PDZD2: variants seen among roughly 807,000 people sequenced by gnomAD.
PDZD2 encodes PDZ domain containing 2, also known as PDZ domain-containing protein 2.
Under a neutral mutation model 220.7 loss-of-function variants are expected in PDZD2, and 90 were observed. The ratio of observed to expected loss-of-function variants is 0.41; its 90% confidence interval spans 0.34 to 0.49. The LOEUF (loss-of-function observed/expected upper bound fraction) is 0.49. Ranked by LOEUF, PDZD2 falls within the 20% of genes least tolerant of loss-of-function variation. The pLI is 0.28. For missense variants in PDZD2, 3,174 were observed against 3,608.5 expected (o/e 0.88, Z 3.08); for synonymous variants, 1,375 against 1,450.5 (o/e 0.95, Z 1.18).
chr5:31,682,856 C>T (rs959591940), intron 1 of PDZD2, among the ~76,000 whole-genome samples: 1 of 152,090 alleles, frequency 6.6e-6, no homozygotes, highest in Non-Finnish European at 1.5e-5. Context: ...CCCTCCCTTT[C>T]CCCTGACTTT....
At chr5:31,641,782 C>T (rs1023642178) in intron 1 of PDZD2, among the ~76,000 whole-genome samples, 4 of 152,274 alleles carry the variant, frequency 2.6e-5, no homozygotes, top group Non-Finnish European at 5.9e-5. Flanking sequence ...AGTCACTGCG[C>T]CCAACCTGGC....
intron 2 of PDZD2, among the ~76,000 whole-genome samples, chr5:31,869,941 C>T (rs533354877): frequency 1.4e-4 from 22 of 152,196 alleles, no homozygotes; most frequent in East Asian, 1.4e-3. Flanking sequence ...GCCTCTCCGG[C>T]GATACTCTCC....
chr5:32,105,430 G>A (rs1464450443), intron 24 of PDZD2, among the ~76,000 whole-genome samples: 3 of 151,998 alleles, frequency 2.0e-5, no homozygotes, highest in Non-Finnish European at 2.9e-5. Flanking sequence ...TTTTTTTCTC[G>A]TGCAAGTATC....
chr5:32,068,878 G>A (rs1188374419), intron 14 of PDZD2, among the ~76,000 whole-genome samples: 1 of 152,088 alleles, frequency 6.6e-6, no homozygotes, highest in African/African-American at 2.4e-5. Flanking sequence ...GGACATGCAT[G>A]TAAATGTGGC....
intron 1 of PDZD2, among the ~76,000 whole-genome samples, chr5:31,759,735 G>T (rs959607663): frequency 6.6e-6 from 1 of 151,786 alleles, no homozygotes; most frequent in East Asian, 1.9e-4. Context: ...TAGTAGAGAC[G>T]GGTTTCACCA....
chr5:31,971,154 G>T (rs536558346), intron 2 of PDZD2, among the ~76,000 whole-genome samples: 25 of 152,312 alleles, frequency 1.6e-4, no homozygotes, highest in African/African-American at 5.8e-4. Flanking sequence ...ACCACAGATT[G>T]GGTGATTCAT....
At chr5:31,896,661 T>TA (rs922101357) in intron 2 of PDZD2, among the ~76,000 whole-genome samples, 2 of 152,210 alleles carry the variant, frequency 1.3e-5, no homozygotes, top group African/African-American at 4.8e-5. Context: ...TGTGTTACAA[T>TA]AATCTTATTT....
intron 7 of PDZD2, among the ~76,000 whole-genome samples, chr5:32,043,112 T>C (rs557950145): frequency 6.6e-6 from 1 of 152,340 alleles, no homozygotes; most frequent in Non-Finnish European, 1.5e-5. Flanking sequence ...AAGAATTCTG[T>C]TCTCCGATCT....
intron 2 of PDZD2, among the ~76,000 whole-genome samples, chr5:31,839,067 G>C (rs964661364): frequency 6.6e-6 from 1 of 152,164 alleles, no homozygotes; most frequent in Admixed American, 6.5e-5. Flanking sequence ...CTGCGTACAG[G>C]TTGCCCTCTC....
intron 21 of PDZD2, among the ~76,000 whole-genome samples, chr5:32,094,697 CAAAA>C (rs36064147): frequency 1.8e-5 from 2 of 112,570 alleles, no homozygotes; most frequent in Admixed American, 9.4e-5. Context: ...CCTCATCTCT[CAAAA>C]AAAAAAAAAA....
At chr5:31,728,903 G>C (rs189269894) in intron 1 of PDZD2, among the ~76,000 whole-genome samples, 1 of 151,598 alleles carries the variant, frequency 6.6e-6, no homozygotes, top group Non-Finnish European at 1.5e-5. Context: ...CACCTAGGCC[G>C]GAGTGCAGTG....
At position 31,865,944 on chromosome 5, in the gene PDZD2, TA is replaced by T. The variant is rs59103314; in HGVS notation, c.476+66222del. Among the ~76,000 whole-genome samples, 8 of 150,290 alleles carry T rather than the reference TA, an allele frequency of 5.3e-5. No homozygotes were observed. In the East Asian group the frequency reaches 1.2e-3, roughly 22 times the overall value. ...CCGCACCTGCCCTTTTTTTTTTTTT[TA>T]ATCCCCTGGGTTTACCAGGATGGCA... On this transcript the variant is annotated intron_variant, in intron 2 of 24. Transcript: ENST00000438447.
At chr5:31,987,096 A>G (rs898036663) in intron 3 of PDZD2, among the ~76,000 whole-genome samples, 11 of 152,220 alleles carry the variant, frequency 7.2e-5, no homozygotes, top group Admixed American at 6.5e-4. Flanking sequence ...GTTCCTCATT[A>G]TCTTCTTAGC....
At chr5:31,853,907 C>T (rs777154438) in intron 2 of PDZD2, among the ~76,000 whole-genome samples, 2 of 152,132 alleles carry the variant, frequency 1.3e-5, no homozygotes, top group Non-Finnish European at 2.9e-5. Flanking sequence ...CTCAGGAGCT[C>T]TCCATTCCTC....
At chr5:31,696,913 T>G (rs549737932) in intron 1 of PDZD2, among the ~76,000 whole-genome samples, 9 of 152,266 alleles carry the variant, frequency 5.9e-5, no homozygotes, top group African/African-American at 2.2e-4. Flanking sequence ...GTTCTGCTTG[T>G]TCATCTGAAG....
intron 1 of PDZD2, among the ~76,000 whole-genome samples, chr5:31,732,765 G>C (rs1051233807): frequency 6.6e-6 from 1 of 152,152 alleles, no homozygotes; most frequent in African/African-American, 2.4e-5. Flanking sequence ...GCCTCACTCT[G>C]TCACCCAGAC....
chr5:31,730,562 G>GTC (rs1749464595), intron 1 of PDZD2, among the ~76,000 whole-genome samples: 1 of 125,454 alleles, frequency 8.0e-6, no homozygotes, highest in African/African-American at 3.2e-5. Context: ...GTTTGTGTGT[G>GTC]TGTGTGTGTG....
In PDZD2 at chr5:32,039,451, G is replaced by A. The variant is rs191709796; in HGVS notation, c.1519+2109G>A. 8.3e-3 allele frequency among the ~76,000 whole-genome samples: 1,252 copies of A among 149,962 alleles called. 21 individuals carry two copies. Among genetic ancestry groups the A allele is most frequent in the African/African-American group, 0.029 (1,186 of 41,400 alleles). Reference sequence around the variant, plus strand: ...GAATGCAGTGGCGTAATCTCAGCTCGCTACAACCTCCACCTCCCAGCCGCC... The same window carrying A: ...GAATGCAGTGGCGTAATCTCAGCTCACTACAACCTCCACCTCCCAGCCGCC... On this transcript the variant is annotated intron_variant, in intron 7 of 24. Transcript: ENST00000438447.
chr5:31,667,247 A>AG (rs1265668440), intron 1 of PDZD2, among the ~76,000 whole-genome samples: 2 of 150,376 alleles, frequency 1.3e-5, no homozygotes, highest in African/African-American at 2.4e-5. Context: ...AAAAAAAAAA[A>AG]AAAAAAAAAA....
Sources: allele counts gnomAD v4.1 joint callset (sites outside exome capture counted in the v4.1 genomes callset), GRCh38; gene constraint gnomAD v4.1.1; transcripts MANE v1.5; gene names NCBI Gene and HGNC (gene_info 2026-07-23, HGNC 2026-07-21).